The following RPTOR variants were observed in gnomAD, a reference collection of about 807,000 sequenced individuals.
RPTOR encodes the protein regulatory associated protein of MTOR complex 1.
RPTOR carries 21 observed loss-of-function variants against 169.9 expected under a neutral mutation model. That is an observed-to-expected ratio of 0.12 (90% CI 0.09 to 0.18). The LOEUF is 0.18. Ranked by LOEUF, RPTOR falls within the 10% of genes least tolerant of loss-of-function variation. RPTOR has a pLI of 1.00. For missense variants in RPTOR, 1,133 were observed against 1,855.9 expected (o/e 0.61, Z 7.16); for synonymous variants, 732 against 753.2 (o/e 0.97, Z 0.46).
At position 80,754,193 on chromosome 17, in the gene RPTOR, G is replaced by T; in HGVS notation, c.830+8G>T. On this transcript the variant is annotated splice_region_variant and intron_variant, in intron 6 of 33. Coordinates refer to ENST00000306801, the MANE Select transcript of RPTOR (RefSeq NM_020761.3). This position sits in a 1 kb window ranked among gnomAD's most constrained non-coding sequence, Gnocchi z 4.2. ...CAAGATCGCCCTGCGCTGGTGAGTG[G>T]CCCCTGCTGTGCCCCTGGGACCCAC... is the stretch of plus-strand genomic sequence containing the variant. 6.3e-7 allele frequency: 1 copy of T among 1,586,684 alleles called. No individual in the cohort carries two copies. The highest frequency in any genetic ancestry group is 8.6e-7 in the Non-Finnish European group (1 of 1,162,748).
chr17:80,697,184 C>G (rs1271989550), intron 3 of RPTOR, among the ~76,000 whole-genome samples: 1 of 152,178 alleles, frequency 6.6e-6, no homozygotes, highest in Non-Finnish European at 1.5e-5. Flanking sequence ...GGGCGGTCCC[C>G]CCACCCGAAG....
At chr17:80,833,951 T>C (rs553840502) in intron 9 of RPTOR, among the ~76,000 whole-genome samples, 103 of 152,366 alleles carry the variant, frequency 6.8e-4, no homozygotes, top group African/African-American at 2.4e-3. Flanking sequence ...ATCGCACCAC[T>C]GCGCTCCAGC....
chr17:80,918,303 G>A lies in RPTOR; in HGVS notation c.2521-4421G>A, dbSNP rs551641855. Among the ~76,000 whole-genome samples, 385 of 152,344 alleles carry A rather than the reference G, an allele frequency of 2.5e-3. 3 individuals carry two copies. The highest frequency in any genetic ancestry group is 4.2e-3 in the Non-Finnish European group (285 of 68,026). On this transcript the variant is annotated intron_variant, in intron 21 of 33. Coordinates refer to ENST00000306801, the MANE Select transcript of RPTOR (RefSeq NM_020761.3). ...TCGCCCATCCAGACAGAGATGCCCT[G>A]TTCCCCTGCGGAGATGCAGACTCCA...
chr17:80,665,366 T>G (rs1280929733), intron 3 of RPTOR, among the ~76,000 whole-genome samples: 1 of 6,146 alleles, frequency 1.6e-4, no homozygotes, highest in African/African-American at 9.0e-4. Flanking sequence ...TCCTTTCCTT[T>G]CCTTTCCTTT....
intron 21 of RPTOR, among the ~76,000 whole-genome samples, chr17:80,912,774 G>A (rs905853590): frequency 3.9e-5 from 6 of 152,166 alleles, no homozygotes; most frequent in African/African-American, 1.2e-4. Flanking sequence ...ATAGCAACTC[G>A]AACACACGGC....
intron 1 of RPTOR, among the ~76,000 whole-genome samples, chr17:80,550,862 A>G (rs1368217180): frequency 6.6e-6 from 1 of 151,974 alleles, no homozygotes; most frequent in Non-Finnish European, 1.5e-5. Flanking sequence ...TTGCCCTACA[A>G]CCAGTTTTTC....
chr17:80,831,116 G>A (rs1193886958), intron 9 of RPTOR, among the ~76,000 whole-genome samples: 1 of 152,218 alleles, frequency 6.6e-6, no homozygotes, highest in African/African-American at 2.4e-5. Flanking sequence ...TTGTTCCGAT[G>A]TGTGTTTTCC....
chr17:80,741,511 G>A (rs2066481542), intron 5 of RPTOR, among the ~76,000 whole-genome samples: 2 of 152,236 alleles, frequency 1.3e-5, no homozygotes, highest in African/African-American at 4.8e-5. Context: ...GTGGAATGGA[G>A]CAGCTGTCTC....
chr17:80,600,816 G>A (rs543058353), intron 1 of RPTOR, among the ~76,000 whole-genome samples: 1 of 152,204 alleles, frequency 6.6e-6, no homozygotes, highest in Non-Finnish European at 1.5e-5. Context: ...ATGGACAGTG[G>A]CAGATCGTAT....
chr17:80,726,988 C>G lies in RPTOR; in HGVS notation c.508-3572C>G, dbSNP rs535668097. Among the ~76,000 whole-genome samples the G allele has an allele frequency of 6.6e-6, 1 of 152,118 alleles. No individual in the cohort carries two copies. The highest frequency in any genetic ancestry group is 1.5e-5 in the Non-Finnish European group (1 of 68,012). ...ACCTGTGAGCGCAGCCTGCAAGCTC[C>G]GGCTCCAGGAGGAAGCGTGCTCAAG... is the stretch of plus-strand genomic sequence containing the variant. On this transcript the variant is annotated intron_variant, in intron 4 of 33. Coordinates refer to ENST00000306801, the MANE Select transcript of RPTOR (RefSeq NM_020761.3). The surrounding 1 kb of genome is among the most constrained non-coding windows in gnomAD (Gnocchi z 4.5).
At chr17:80,958,624 A>G (rs2069290932) in intron 29 of RPTOR, among the ~76,000 whole-genome samples, 1 of 151,900 alleles carries the variant, frequency 6.6e-6, no homozygotes, top group Non-Finnish European at 1.5e-5. Flanking sequence ...CGTGTTAGCC[A>G]GAATGGTCTC....
At chr17:80,770,876 G>T (rs7208831) in intron 6 of RPTOR, among the ~76,000 whole-genome samples, 41,552 of 152,070 alleles carry the variant, frequency 0.27, 5,850 homozygotes, top group African/African-American at 0.33. Context: ...CCTTAAATCG[G>T]GCATCTTCCC....
At chr17:80,838,065 A>G (rs2067584699) in intron 10 of RPTOR, 68 bp downstream of exon 10, 1 of 1,366,352 alleles carries the variant, frequency 7.3e-7, no homozygotes, top group African/African-American at 1.4e-5. Flanking sequence ...CTGGACTGCA[A>G]AGCCCCCAGA....
chr17:80,752,391 C>T (rs370188704), intron 5 of RPTOR, among the ~76,000 whole-genome samples: 29 of 152,356 alleles, frequency 1.9e-4, no homozygotes, highest in East Asian at 1.2e-3. Flanking sequence ...ATTGCTTGTG[C>T]GCAGCTGCTG....
intron 20 of RPTOR, among the ~76,000 whole-genome samples, chr17:80,895,884 C>T (rs1466104553): frequency 2.6e-5 from 4 of 152,170 alleles, no homozygotes; most frequent in African/African-American, 9.7e-5. Context: ...CGCCTTGTGT[C>T]GTTTATCTTT....
At chr17:80,584,040 T>C (rs1351642372) in intron 1 of RPTOR, among the ~76,000 whole-genome samples, 1 of 152,182 alleles carries the variant, frequency 6.6e-6, no homozygotes, top group Non-Finnish European at 1.5e-5. Flanking sequence ...CTGTGGGGCC[T>C]GCTCTGCAGA....
intron 9 of RPTOR, among the ~76,000 whole-genome samples, chr17:80,825,766 C>G (rs1457546082): frequency 6.6e-6 from 1 of 152,228 alleles, no homozygotes; most frequent in East Asian, 1.9e-4. Context: ...CTGAGTGTGT[C>G]AGAGGCTCCG....
At chr17:80,804,457 A>C (rs2067197049) in intron 7 of RPTOR, 1 of 152,276 alleles carries the variant, frequency 6.6e-6, no homozygotes, top group South Asian at 2.1e-4. Context: ...TGTTGGGCTG[A>C]AGACAATTAA....
intron 25 of RPTOR, among the ~76,000 whole-genome samples, chr17:80,944,538 C>T (rs1205909308): frequency 2.6e-5 from 4 of 152,208 alleles, no homozygotes; most frequent in Non-Finnish European, 5.9e-5. Context: ...TACTCAGTGG[C>T]TGCCGTCACC....
Sources: gnomAD v4.1 joint callset for allele counts (sites outside exome capture counted in the v4.1 genomes callset) on GRCh38, gnomAD v4.1.1 for gene constraint, Gnocchi (gnomAD v3.1) non-coding constraint, MANE v1.5 for transcripts, NCBI Gene and HGNC (gene_info 2026-07-23, HGNC 2026-07-21) for gene names.